The following NT5E variants were observed in gnomAD, a reference collection of about 807,000 sequenced individuals.
The protein encoded by NT5E is 5'-nucleotidase.
NT5E carries 53 observed loss-of-function variants against 55.1 expected under a neutral mutation model. The ratio of observed to expected loss-of-function variants is 0.96; its 90% confidence interval spans 0.77 to 1.21. NT5E has a LOEUF of 1.21. NT5E is among the 50% of genes most tolerant of loss of function. The pLI is 0.00. For synonymous variants in NT5E, 270 were observed against 278.4 expected (o/e 0.97, Z 0.30); for missense variants, 683 against 724.3 (o/e 0.94, Z 0.65).
chr6:85,462,262 C>A (rs1769112528), intron 1 of NT5E, among the ~76,000 whole-genome samples: 1 of 152,112 alleles, frequency 6.6e-6, no homozygotes, highest in African/African-American at 2.4e-5. Flanking sequence ...TTCCAAGCAC[C>A]CCCGGACTGC....
chr6:85,478,019 C>A (rs915238031), intron 3 of NT5E, among the ~76,000 whole-genome samples: 1 of 139,222 alleles, frequency 7.2e-6, no homozygotes, highest in Non-Finnish European at 1.5e-5. Context: ...AGAGAGAGAC[C>A]TTGTCTCAAA....
At chr6:85,480,493 A>C (rs1052229461) in intron 3 of NT5E, among the ~76,000 whole-genome samples, 1 of 152,180 alleles carries the variant, frequency 6.6e-6, no homozygotes, top group Non-Finnish European at 1.5e-5. Context: ...ATGGGCTGTG[A>C]TGACTGGAGA....
chr6:85,486,086 C>T (rs1031110889), intron 4 of NT5E, among the ~76,000 whole-genome samples: 4 of 151,768 alleles, frequency 2.6e-5, no homozygotes, highest in African/African-American at 9.7e-5. Flanking sequence ...GGCAGGGGTA[C>T]GTTAGTGAGG....
At chr6:85,483,048 T>C (rs981156694) in intron 3 of NT5E, among the ~76,000 whole-genome samples, 1 of 152,240 alleles carries the variant, frequency 6.6e-6, no homozygotes, top group Non-Finnish European at 1.5e-5. Flanking sequence ...GGAGCTGAGA[T>C]TGCTGGCTCC....
intron 1 of NT5E, among the ~76,000 whole-genome samples, chr6:85,456,765 A>C (rs1311441928): frequency 1.3e-5 from 2 of 152,184 alleles, no homozygotes; most frequent in Non-Finnish European, 2.9e-5. Flanking sequence ...CAGCTGCAAA[A>C]GGCATTCTGT....
At chr6:85,458,794 G>A (rs1161946911) in intron 1 of NT5E, among the ~76,000 whole-genome samples, 4 of 152,152 alleles carry the variant, frequency 2.6e-5, no homozygotes, top group Non-Finnish European at 4.4e-5. Context: ...TATTTTGCAC[G>A]TATGGAGAGT....
Position 85,485,368 on chromosome 6 carries a change from T to C in NT5E, c.885T>C (p.Asp295=). The change falls in exon 4 of 9, where the codon GAT becomes GAC. Residue 295 remains aspartate, a synonymous_variant. Transcript: ENST00000257770. ...KYLGYLKIEF[D]ERGNVISSHG... Reference sequence around the variant, plus strand: ...TAGGCTATCTGAAGATCGAGTTTGATGAAAGAGGAAACGTCATCTCTTCCC... The same window carrying C: ...TAGGCTATCTGAAGATCGAGTTTGACGAAAGAGGAAACGTCATCTCTTCCC... 1.2e-6 allele frequency: 2 copies of C among 1,614,206 alleles called. No homozygotes were observed. The highest frequency in any genetic ancestry group is 1.7e-6 in the Non-Finnish European group (2 of 1,180,032).
At chr6:85,457,348 G>A (rs557765616) in intron 1 of NT5E, among the ~76,000 whole-genome samples, 1 of 152,214 alleles carries the variant, frequency 6.6e-6, no homozygotes, top group Non-Finnish European at 1.5e-5. Flanking sequence ...TTTGGCAGTG[G>A]TTTCCTTATC....
intron 3 of NT5E, 160 bp downstream of exon 3, chr6:85,471,585 T>C: frequency 2.7e-6 from 1 of 367,182 alleles, no homozygotes; most frequent in East Asian, 4.5e-5. Flanking sequence ...TGGGAACATG[T>C]GCAAATCTTA....
At chr6:85,462,792 T>C (rs1211315776) in intron 1 of NT5E, among the ~76,000 whole-genome samples, 1 of 152,236 alleles carries the variant, frequency 6.6e-6, no homozygotes, top group East Asian at 1.9e-4. Context: ...TAAAAAGTAG[T>C]TAAGCAATGT....
intron 3 of NT5E, among the ~76,000 whole-genome samples, chr6:85,476,147 G>A (rs1249004255): frequency 6.6e-6 from 1 of 152,218 alleles, no homozygotes; most frequent in South Asian, 2.1e-4. Context: ...TGTCCATGTG[G>A]GTAGTTGATC....
At chr6:85,492,852 C>G (rs1233060395) in intron 8 of NT5E, among the ~76,000 whole-genome samples, 1 of 152,166 alleles carries the variant, frequency 6.6e-6, no homozygotes, top group Non-Finnish European at 1.5e-5. Context: ...GTAGTTCCAC[C>G]AGGATCTTCC....
At position 85,450,332 on chromosome 6, in the gene NT5E, T is replaced by C; in HGVS notation, c.193T>C (p.Phe65Leu). The C allele has an allele frequency of 6.3e-7, 1 of 1,597,088 alleles. No homozygotes were observed. Among genetic ancestry groups the C allele is most frequent in the South Asian group, 1.1e-5 (1 of 88,220 alleles). Residue 65 changes from phenylalanine to leucine, a missense_variant, in exon 1 of 9, where the codon TTC becomes CTC. Physicochemically the swap from Phe to Leu is conservative, Grantham distance 22. Transcript: ENST00000257770. This position sits in a 1 kb window ranked among gnomAD's most constrained non-coding sequence, Gnocchi z 4.0. Reference protein sequence around the residue: ...SRCMGGVARLFTKVQQIRRAE... With the variant: ...SRCMGGVARLLTKVQQIRRAE... ...CTGCATGGGTGGCGTGGCTCGGCTC[T>C]TCACCAAGGTTCAGCAGATCCGCCG...
At chr6:85,490,853 A>C (rs963726216) in intron 7 of NT5E, among the ~76,000 whole-genome samples, 196 bp downstream of exon 7, 2 of 152,258 alleles carry the variant, frequency 1.3e-5, no homozygotes, top group African/African-American at 4.8e-5. Flanking sequence ...AAAGCCCCAA[A>C]GCCCCAAAGC....
chr6:85,473,899 A>G (rs1375685403), intron 3 of NT5E, among the ~76,000 whole-genome samples: 1 of 152,206 alleles, frequency 6.6e-6, no homozygotes, highest in Non-Finnish European at 1.5e-5. Context: ...TCTTTACACC[A>G]TCTTAATCAA....
chr6:85,480,789 C>T (rs1277825788), intron 3 of NT5E, among the ~76,000 whole-genome samples: 1 of 152,172 alleles, frequency 6.6e-6, no homozygotes, highest in African/African-American at 2.4e-5. Flanking sequence ...AACAAACAAA[C>T]AAACAAACTA....
intron 1 of NT5E, among the ~76,000 whole-genome samples, chr6:85,455,163 C>G (rs1768963712): frequency 6.6e-6 from 1 of 152,170 alleles, no homozygotes; most frequent in Admixed American, 6.5e-5. Flanking sequence ...GTCCTTGTCC[C>G]CAGTACCTGT....
intron 3 of NT5E, among the ~76,000 whole-genome samples, chr6:85,473,604 T>TGTGCGC (rs1273758645): frequency 6.6e-6 from 1 of 152,206 alleles, no homozygotes; most frequent in Non-Finnish European, 1.5e-5. Flanking sequence ...TATATGTGTG[T>TGTGCGC]GTGCGTTCAC....
At chr6:85,464,119 T>C (rs547908626) in intron 1 of NT5E, among the ~76,000 whole-genome samples, 1 of 146,322 alleles carries the variant, frequency 6.8e-6, no homozygotes, top group East Asian at 2.0e-4. Context: ...CTAGGCTTTA[T>C]GCAAATATAC....
Sources: allele counts gnomAD v4.1 joint callset (sites outside exome capture counted in the v4.1 genomes callset), GRCh38; gene constraint gnomAD v4.1.1; non-coding constraint Gnocchi (gnomAD v3.1); transcripts MANE v1.5; gene names NCBI Gene and HGNC (gene_info 2026-07-23, HGNC 2026-07-21).